Variants in KHDRBS2 observed in about 807,000 individuals in gnomAD.
The protein encoded by KHDRBS2 is KH domain-containing, RNA-binding, signal transduction-associated protein 2.
KHDRBS2 carries 26 observed loss-of-function variants against 44.3 expected under a neutral mutation model. That is an observed-to-expected ratio of 0.59 (90% CI 0.43 to 0.81). The LOEUF (loss-of-function observed/expected upper bound fraction) is 0.81. Among genes scored for constraint, KHDRBS2 ranks in the 40% least tolerant of loss-of-function variants. The pLI, the probability that KHDRBS2 is intolerant of heterozygous loss-of-function variation, is 0.00. For synonymous variants in KHDRBS2, 194 were observed against 151.1 expected (o/e 1.28, Z -2.08); for missense variants, 476 against 433.1 (o/e 1.10, Z -0.88).
intron 1 of KHDRBS2, among the ~76,000 whole-genome samples, chr6:62,270,725 A>T (rs1432620596): frequency 1.3e-5 from 2 of 152,166 alleles, no homozygotes; most frequent in Non-Finnish European, 2.9e-5. Flanking sequence ...TAAGAAAACC[A>T]AAGTAGATAA....
chr6:61,987,695 C>T (rs1416977123), intron 3 of KHDRBS2, among the ~76,000 whole-genome samples: 1 of 152,144 alleles, frequency 6.6e-6, no homozygotes, highest in Non-Finnish European at 1.5e-5. Flanking sequence ...GAAATTCTTT[C>T]CTGACAGAAC....
At chr6:61,685,988 A>G (rs1766774863) in intron 8 of KHDRBS2, among the ~76,000 whole-genome samples, 1 of 151,750 alleles carries the variant, frequency 6.6e-6, no homozygotes, top group Non-Finnish European at 1.5e-5. Flanking sequence ...CAAACTTTTA[A>G]TGTTTATCTT....
chr6:61,638,990 G>A, the KHDRBS2 span, among the ~76,000 whole-genome samples: 1 of 152,040 alleles, frequency 6.6e-6, no homozygotes, highest in East Asian at 1.9e-4. Flanking sequence ...GCTCCAATTT[G>A]TTTGCATTCC....
chr6:61,563,200 A>C, the KHDRBS2 span, among the ~76,000 whole-genome samples: 1 of 152,132 alleles, frequency 6.6e-6, no homozygotes, highest in Non-Finnish European at 1.5e-5. Flanking sequence ...TTTGGTCCGA[A>C]ATTGCTCAAA....
intron 2 of KHDRBS2, among the ~76,000 whole-genome samples, chr6:62,146,779 C>A (rs1328808605): frequency 4.9e-5 from 1 of 20,374 alleles, no homozygotes; most frequent in Non-Finnish European, 8.3e-5. Context: ...AACCCCAATT[C>A]AAGGGTTGAG....
chr6:61,955,666 A>G lies in KHDRBS2; in HGVS notation c.483+22400T>C, dbSNP rs191236376. On this transcript the variant is annotated intron_variant, in intron 4 of 8. Transcript: ENST00000281156. Reference sequence around the variant, plus strand: ...CGTATGTATGTATGCATATATGTGTATATGTACACATATGTATGTATACAT... The same window carrying G: ...CGTATGTATGTATGCATATATGTGTGTATGTACACATATGTATGTATACAT... 4.5e-4 allele frequency among the ~76,000 whole-genome samples: 66 copies of G among 148,026 alleles called. 1 individual carries two copies. The highest frequency in any genetic ancestry group is 1.2e-3 in the African/African-American group (46 of 39,656).
At chr6:61,910,560 A>G (rs1805870974) in intron 4 of KHDRBS2, among the ~76,000 whole-genome samples, 1 of 152,184 alleles carries the variant, frequency 6.6e-6, no homozygotes, top group Non-Finnish European at 1.5e-5. Context: ...AGAGAATAAG[A>G]TAGTACCAAT....
chr6:61,806,035 C>T (rs1428032911), intron 6 of KHDRBS2, among the ~76,000 whole-genome samples: 2 of 152,178 alleles, frequency 1.3e-5, no homozygotes, highest in Non-Finnish European at 2.9e-5. Flanking sequence ...ATGGTCTATT[C>T]ACTGATGCTG....
chr6:61,607,084 C>T, the KHDRBS2 span, among the ~76,000 whole-genome samples: 5 of 151,658 alleles, frequency 3.3e-5, no homozygotes, highest in Admixed American at 6.6e-5. Context: ...CTTCAGGATA[C>T]GCATGATTAA....
At chr6:62,065,019 A>T (rs1355495257) in intron 2 of KHDRBS2, among the ~76,000 whole-genome samples, 9 of 152,160 alleles carry the variant, frequency 5.9e-5, no homozygotes, top group Non-Finnish European at 1.3e-4. Flanking sequence ...CAGCCAAAAA[A>T]ACACATGAAA....
intron 4 of KHDRBS2, among the ~76,000 whole-genome samples, chr6:61,950,370 T>A (rs1346349326): frequency 6.6e-6 from 1 of 152,022 alleles, no homozygotes; most frequent in Non-Finnish European, 1.5e-5. Flanking sequence ...GAAATGAATT[T>A]CCTCAATTAA....
intron 2 of KHDRBS2, among the ~76,000 whole-genome samples, chr6:62,058,024 TA>T (rs1790691789): frequency 1.3e-5 from 2 of 151,994 alleles, no homozygotes; most frequent in Non-Finnish European, 2.9e-5. Context: ...TATATATTTT[TA>T]AATTCTTCAT....
At chr6:61,752,541 C>T (rs79622312) in intron 6 of KHDRBS2, among the ~76,000 whole-genome samples, 6,318 of 152,006 alleles carry the variant, frequency 0.042, 163 homozygotes, top group East Asian at 0.092. Context: ...AATTTGCATT[C>T]CATTAGCTTC....
chr6:62,274,643 A>C (rs1366576620), intron 1 of KHDRBS2, among the ~76,000 whole-genome samples: 1 of 152,130 alleles, frequency 6.6e-6, no homozygotes, highest in African/African-American at 2.4e-5. Flanking sequence ...AATCCTGGTC[A>C]TATTCTACTT....
chr6:61,776,196 A>C (rs200396757), intron 6 of KHDRBS2, among the ~76,000 whole-genome samples: 306 of 146,162 alleles, frequency 2.1e-3, no homozygotes, highest in African/African-American at 2.4e-3. Context: ...CCCTAGAAGA[A>C]AACGTAGGCA....
At chr6:62,083,588 C>T (rs1439608118) in intron 2 of KHDRBS2, among the ~76,000 whole-genome samples, 5 of 152,090 alleles carry the variant, frequency 3.3e-5, no homozygotes, top group Non-Finnish European at 7.4e-5. Flanking sequence ...CCCCTAGACT[C>T]TGTTGCAGGC....
At chr6:61,799,836 C>T (rs1309886883) in intron 6 of KHDRBS2, among the ~76,000 whole-genome samples, 1 of 152,042 alleles carries the variant, frequency 6.6e-6, no homozygotes, top group African/African-American at 2.4e-5. Flanking sequence ...ACTAATTCCA[C>T]TGTGGTTCAA....
At chr6:61,779,487 G>A (rs1376261498) in intron 6 of KHDRBS2, among the ~76,000 whole-genome samples, 1 of 152,154 alleles carries the variant, frequency 6.6e-6, no homozygotes, top group Admixed American at 6.5e-5. Context: ...GAAGAAAAAA[G>A]TATGGTAACC....
intron 3 of KHDRBS2, among the ~76,000 whole-genome samples, chr6:61,985,499 C>T (rs1416708005): frequency 1.3e-5 from 2 of 152,034 alleles, no homozygotes; most frequent in East Asian, 1.9e-4. Flanking sequence ...TTACTTCGTA[C>T]GCAAAAGAAG....
Sources: allele counts gnomAD v4.1 joint callset (sites outside exome capture counted in the v4.1 genomes callset), GRCh38; gene constraint gnomAD v4.1.1; transcripts MANE v1.5; gene names NCBI Gene and HGNC (gene_info 2026-07-23, HGNC 2026-07-21).